The following SYCE1 variants were observed in gnomAD, a reference collection of about 807,000 sequenced individuals.
SYCE1 encodes the protein cancer/testis antigen 76.
In SYCE1, 37 loss-of-function variants were observed where a neutral mutation model predicts 55.1. The observed-to-expected ratio is 0.67, with a 90% confidence interval of 0.52 to 0.88. SYCE1 has a LOEUF of 0.88. SYCE1 is among the 40% of genes least tolerant of loss of function. The pLI, the probability that SYCE1 is intolerant of heterozygous loss-of-function variation, is 0.00. For missense variants in SYCE1, 399 were observed against 416.4 expected (o/e 0.96, Z 0.36); for synonymous variants, 163 against 159.4 (o/e 1.02, Z -0.17).
At chr10:133,566,331 C>G (rs2133636789), upstream of SYCE1, among the ~76,000 whole-genome samples, 1 of 152,334 alleles carries the variant, frequency 6.6e-6, no homozygotes, top group South Asian at 2.1e-4. Flanking sequence ...GAACACCTGC[C>G]TGTCCTAAAT....
Position 133,556,524 on chromosome 10 carries a change from C to T in SYCE1, c.528+235G>A, listed in dbSNP as rs1251563242. On this transcript the variant is annotated intron_variant, in intron 8 of 12. Transcript: ENST00000343131. ...TTTGTGCCCGTGATGGTCCCAGACA[C>T]ATCCACGGACAGTGATGGAAGACTT... 5.1e-6 allele frequency: 3 copies of T among 587,900 alleles called. No homozygotes were observed. The East Asian group carries it at 8.7e-5, about 17-fold the overall frequency. 36.4% of individuals were successfully genotyped at this position (587,900 alleles called of 1,614,324 possible). A position where few individuals can be genotyped will look rare whatever the true frequency, so the allele number is the denominator to read the frequency against.
downstream of SYCE1, chr10:133,554,581 G>T: frequency 1.5e-6 from 1 of 674,884 alleles, no homozygotes; most frequent in Non-Finnish European, 2.7e-6. Flanking sequence ...CAGCTAACCA[G>T]TGGGGACTAC....
chr10:133,555,564 T>TGG (rs1044020745), intron 11 of SYCE1, 33 bp downstream of exon 11: 2 of 1,601,958 alleles, frequency 1.2e-6, no homozygotes, highest in African/African-American at 2.7e-5. Context: ...ATCTTCCTGG[T>TGG]GGGGGTTGCG....
At chr10:133,562,261 ATGTGTGTGTGTGTGTGTGTG>A (rs59050384) in intron 1 of SYCE1, among the ~76,000 whole-genome samples, 1,891 of 143,084 alleles carry the variant, frequency 0.013, 10 homozygotes, top group Middle Eastern at 0.038. Flanking sequence ...CTAACATCCA[ATGTGTGTGTGTGTGTGTGTG>A]TGTGTGTGTG....
At chr10:133,561,602 T>C (rs1361880732) in intron 1 of SYCE1, among the ~76,000 whole-genome samples, 1 of 152,214 alleles carries the variant, frequency 6.6e-6, no homozygotes, top group African/African-American at 2.4e-5. Context: ...AGAGCAGTCT[T>C]CAGCCTAAGA....
rs758011462 is a variant in SYCE1, at chr10:133,556,780, G to A, written c.507C>T (p.His169=). ...TCACGTGGAAGTCCCAGAGGTCCTT[G>A]TGCTGGCCCATCAGATCTTCCAGCT... ...EEQLEDLMGQ[H]KDLWDFHMPE... Residue 169 remains histidine, a synonymous_variant, in exon 8 of 13, where the codon CAC becomes CAT. Transcript: ENST00000343131. The A allele has an allele frequency of 2.5e-6, 4 of 1,571,350 alleles. No homozygotes were observed. The highest frequency in any genetic ancestry group is 3.8e-5 in the Admixed American group (2 of 53,086).
upstream of SYCE1, chr10:133,568,272 G>C (rs1375484637): frequency 2.1e-6 from 3 of 1,421,148 alleles, no homozygotes; most frequent in Middle Eastern, 1.7e-4. Context: ...CGGGTCCCGC[G>C]GCCCTTCTCC....
Position 133,565,515 on chromosome 10 carries a change from G to A in SYCE1, c.15C>T (p.Ser5=). 1 of 1,549,854 alleles carries A rather than the reference G, an allele frequency of 6.5e-7. No homozygotes were observed. Among genetic ancestry groups the A allele is most frequent in the Admixed American group, 2.0e-5 (1 of 50,964 alleles). The change falls in exon 1 of 13, where the codon TCC becomes TCT. Residue 5 remains serine, a synonymous_variant. Coordinates refer to ENST00000343131, the MANE Select transcript of SYCE1 (RefSeq NM_001143764.3). ...CGGTGGGCTCGGCCTTCGATGTCAG[G>A]GACCTCCCCGCCATTTCCTCTCAGC... MAGR[S]LTSKAEPTAG...
chr10:133,559,109 C>A, intron 3 of SYCE1, 158 bp from the exon 4 acceptor site: 1 of 938,564 alleles, frequency 1.1e-6, no homozygotes, highest in Non-Finnish European at 1.6e-6. Context: ...CTGCTGATAG[C>A]AGGGCCAGGA....
At chr10:133,556,857 C>T in intron 7 of SYCE1, 35 bp from the exon 8 acceptor site, 2 of 1,604,396 alleles carry the variant, frequency 1.2e-6, no homozygotes, top group Non-Finnish European at 1.7e-6. Context: ...GGGATATGGG[C>T]TGAAATCACC....
At position 133,558,220 on chromosome 10, in the gene SYCE1, A is replaced by AAACAGTG; in HGVS notation, c.272-13_272-7dup. The AAACAGTG allele has an allele frequency of 6.2e-7, 1 of 1,614,148 alleles. No homozygotes were observed. The highest frequency in any genetic ancestry group is 8.5e-7 in the Non-Finnish European group (1 of 1,180,006). On this transcript the variant is annotated splice_region_variant and splice_polypyrimidine_tract_variant and intron_variant, in intron 4 of 12. Transcript: ENST00000343131. ...GTGTACTTTCTCTCCATGCACTAGA[A>AAACAGTG]AACAGTGACACATTTTGGCATCAGG... is the stretch of plus-strand genomic sequence containing the variant.
chr10:133,564,979 G>A (rs1003831785), intron 1 of SYCE1, among the ~76,000 whole-genome samples: 4 of 151,896 alleles, frequency 2.6e-5, no homozygotes, highest in Non-Finnish European at 5.9e-5. Flanking sequence ...AAACAAACGG[G>A]GGATCTGCGT....
At position 133,555,026 on chromosome 10, in the gene SYCE1, G is replaced by A; in HGVS notation, c.1022C>T (p.Pro341Leu). 1 of 1,551,142 alleles carries A rather than the reference G, an allele frequency of 6.4e-7. No individual in the cohort carries two copies. The highest frequency in any genetic ancestry group is 8.7e-7 in the Non-Finnish European group (1 of 1,146,786). The change falls in exon 13 of 13, where the codon CCA (proline) becomes CTA (leucine). Residue 341 changes from proline (P) to leucine (L), a missense_variant. Pro to Leu is a moderately conservative substitution (Grantham distance 98). Coordinates refer to ENST00000343131, the MANE Select transcript of SYCE1 (RefSeq NM_001143764.3). ...CTCCTTTATTTCCTGAAAGCCCCTT[G>A]GGCTAAGGTCGGGGTGGAGTGTGTC... ...QEDTLHPDLS[P>L]RGFQEIKELF
chr10:133,555,082 T>C lies in SYCE1; in HGVS notation c.966A>G (p.Gln322=). ...LKGERPGAAH[Q]AGPDVLIGQE... ...GGCCTATGAGGACATCAGGCCCTGC[T>C]TGGTGTGCAGCTCCAGGTCTTTCTC... The change falls in exon 13 of 13, where the codon CAA becomes CAG. Residue 322 remains glutamine (Q), a synonymous_variant. Transcript: ENST00000343131. The C allele has an allele frequency of 6.4e-7, 1 of 1,551,438 alleles. No homozygotes were observed.
upstream of SYCE1, among the ~76,000 whole-genome samples, chr10:133,566,434 T>C (rs1589974074): frequency 6.6e-6 from 1 of 151,592 alleles, no homozygotes; most frequent in East Asian, 1.9e-4. Context: ...AGAGTTGGGG[T>C]TGGGGTTAGG....
At chr10:133,554,131 TAA>T, downstream of SYCE1, 1 of 553,300 alleles carries the variant, frequency 1.8e-6, no homozygotes, top group East Asian at 2.9e-5. Flanking sequence ...CCACTTGATT[TAA>T]AAGTCATGTT....
At chr10:133,565,830 G>A (rs1216236125), upstream of SYCE1, among the ~76,000 whole-genome samples, 1 of 152,250 alleles carries the variant, frequency 6.6e-6, no homozygotes, top group African/African-American at 2.4e-5. Context: ...GACCGGCCCT[G>A]GTTCTGGAGG....
chr10:133,555,727 G>T lies in SYCE1; in HGVS notation c.720-20C>A. ...AGCTGCCTGGGGGGCCCAGTAGGGGGTGGTCAGCACCGGCCACTCCCTCCT... is the reference window on the plus strand; with the variant it reads ...AGCTGCCTGGGGGGCCCAGTAGGGGTTGGTCAGCACCGGCCACTCCCTCCT... On this transcript the variant is annotated intron_variant, in intron 10 of 12. Coordinates refer to ENST00000343131, the MANE Select transcript of SYCE1 (RefSeq NM_001143764.3). The T allele has an allele frequency of 6.2e-7, 1 of 1,607,646 alleles. No individual in the cohort carries two copies. Among genetic ancestry groups the T allele is most frequent in the South Asian group, 1.1e-5 (1 of 91,060 alleles).
chr10:133,558,499 AAAG>A, intron 4 of SYCE1: 1 of 553,980 alleles, frequency 1.8e-6, no homozygotes, highest in Non-Finnish European at 3.2e-6. Flanking sequence ...TAAGGGCTAT[AAAG>A]AAACACATCA....
Sources: allele counts gnomAD v4.1 joint callset (sites outside exome capture counted in the v4.1 genomes callset), GRCh38; gene constraint gnomAD v4.1.1; transcripts MANE v1.5; gene names NCBI Gene and HGNC (gene_info 2026-07-23, HGNC 2026-07-21).